TBCD: variants seen among roughly 807,000 people sequenced by gnomAD.
TBCD encodes the protein tubulin-specific chaperone D.
A neutral mutation model predicts 169.3 loss-of-function variants in TBCD; 105 were observed. The ratio of observed to expected loss-of-function variants is 0.62; its 90% CI spans 0.53 to 0.73. TBCD has a LOEUF of 0.73. Ranked by LOEUF, TBCD falls within the 30% of genes least tolerant of loss-of-function variation. The pLI, the probability that TBCD is intolerant of heterozygous loss-of-function variation, is 0.00. For missense variants in TBCD, 1,444 were observed against 1,600.1 expected (o/e 0.90, Z 1.66); for synonymous variants, 700 against 643.9 (o/e 1.09, Z -1.32).
In TBCD at chr17:82,845,144, G is replaced by A. The variant is rs533236689; in HGVS notation, c.1319-25080G>A. ...CTGTGTCAGGGCCTCTTTCCCTAGG[G>A]GCACACAGGCTGGAAGTGCAGTCCT... is the stretch of plus-strand genomic sequence containing the variant. On this transcript the variant is annotated intron_variant, in intron 13 of 38. Transcript: ENST00000355528. 5.9e-5 allele frequency among the ~76,000 whole-genome samples: 9 copies of A among 152,288 alleles called. No individual in the cohort carries two copies. In the South Asian group the frequency reaches 1.9e-3, roughly 32 times the overall value.
intron 33 of TBCD, among the ~76,000 whole-genome samples, chr17:82,931,263 C>G (rs1377841093): frequency 6.6e-6 from 1 of 152,244 alleles, no homozygotes; most frequent in Non-Finnish European, 1.5e-5. Context: ...CAAACAGGAA[C>G]TCGGCCCAGC....
At chr17:82,917,750 C>G (rs1551627) in intron 23 of TBCD, among the ~76,000 whole-genome samples, 50,445 of 152,110 alleles carry the variant, frequency 0.33, 9,169 homozygotes, top group African/African-American at 0.49. Context: ...GTGGTGAGGG[C>G]TCTACCGCTT....
chr17:82,761,966 A>T (rs1466085506), intron 2 of TBCD, among the ~76,000 whole-genome samples: 6 of 148,578 alleles, frequency 4.0e-5, no homozygotes, highest in Non-Finnish European at 7.5e-5. Context: ...TGACCTCGTG[A>T]TCCGCCCGCC....
intron 18 of TBCD, among the ~76,000 whole-genome samples, chr17:82,901,569 G>A (rs1406416709): frequency 6.7e-6 from 1 of 149,760 alleles, no homozygotes; most frequent in African/African-American, 2.5e-5. Flanking sequence ...GGAGCGGCCC[G>A]GCTACCTGCG....
intron 13 of TBCD, among the ~76,000 whole-genome samples, chr17:82,862,974 G>A (rs947826140): frequency 1.3e-5 from 2 of 152,202 alleles, no homozygotes; most frequent in East Asian, 1.9e-4. Flanking sequence ...TTGGTCTTGC[G>A]GTGTGGCTGG....
Position 82,889,818 on chromosome 17 carries a change from G to A in TBCD, c.1563+121G>A. On this transcript the variant is annotated intron_variant, in intron 16 of 38. Transcript: ENST00000355528. The surrounding 1 kb of genome is among the most constrained non-coding windows in gnomAD (Gnocchi z 5.3). ...TGAGATGTGGTGTGGCTACATCAAT[G>A]CCAGGGTCATGAGTTCACTATAGGA... 1 of 1,170,914 alleles carries A rather than the reference G, an allele frequency of 8.5e-7. No individual in the cohort carries two copies. The highest frequency in any genetic ancestry group is 1.2e-6 in the Non-Finnish European group (1 of 819,714). The allele number at this position is 1,170,914 out of a possible 1,614,324, so 72.5% of individuals were successfully genotyped here.
At chr17:82,939,523 C>A in intron 37 of TBCD, 47 bp downstream of exon 37, 1 of 1,452,216 alleles carries the variant, frequency 6.9e-7, no homozygotes. Flanking sequence ...TGGCACCGCC[C>A]CTCTTCCTGT....
intron 13 of TBCD, among the ~76,000 whole-genome samples, chr17:82,834,504 G>A (rs926322952): frequency 2.6e-5 from 4 of 152,086 alleles, no homozygotes; most frequent in African/African-American, 7.2e-5. Flanking sequence ...AAGAAAATGC[G>A]GCACATATAC....
rs1253351182 is a variant in TBCD, at chr17:82,939,424, G to T, written c.3427G>T (p.Val1143Leu). The T allele has an allele frequency of 1.9e-6, 3 of 1,613,640 alleles. No homozygotes were observed. Among genetic ancestry groups the T allele is most frequent in the Non-Finnish European group, 2.5e-6 (3 of 1,179,836 alleles). ...YETLLTYSDV[V>L]GADVLDEVVT... ...GACATTGCTCACCTACAGTGACGTCGTGGGCGCGGATGTGCTGGACGAGGT... is the reference window on the plus strand; with the variant it reads ...GACATTGCTCACCTACAGTGACGTCTTGGGCGCGGATGTGCTGGACGAGGT... The change falls in exon 37 of 39, where the codon GTG becomes TTG. Residue 1143 changes from valine (V) to leucine (L), a missense_variant. By Grantham distance (32) the Val-to-Leu change is conservative (BLOSUM62 1). Coordinates refer to ENST00000355528, the MANE Select transcript of TBCD (RefSeq NM_005993.5).
chr17:82,931,985 T>A (rs1485430926), intron 33 of TBCD: 1 of 153,214 alleles, frequency 6.5e-6, no homozygotes, highest in Admixed American at 6.5e-5. Flanking sequence ...TTTTCTGTTC[T>A]CCTTCCCTGA....
rs145090078 is a variant in TBCD, at chr17:82,897,815, G to T, written c.1650-2836G>T. ...GCCTGTGTTTCAGGGTTCCTCAGTG[G>T]TTCTCACTGTGTGGACGCCCCACAT... On this transcript the variant is annotated intron_variant, in intron 17 of 38. Transcript: ENST00000355528. Among the ~76,000 whole-genome samples the T allele has an allele frequency of 9.2e-5, 14 of 152,320 alleles. No individual in the cohort carries two copies. In the East Asian group the frequency reaches 2.3e-3, roughly 25 times the overall value.
At chr17:82,824,150 A>G (rs978880218) in intron 13 of TBCD, among the ~76,000 whole-genome samples, 6 of 151,978 alleles carry the variant, frequency 3.9e-5, no homozygotes, top group Non-Finnish European at 8.8e-5. Context: ...TTGTATGGAC[A>G]TACCATATAT....
In TBCD at chr17:82,789,549, T is replaced by C. The variant is rs2144470816; in HGVS notation, c.771+7828T>C. 6.6e-6 allele frequency among the ~76,000 whole-genome samples: 1 copy of C among 152,242 alleles called. No homozygotes were observed. Among genetic ancestry groups the C allele is most frequent in the South Asian group, 2.1e-4 (1 of 4,818 alleles). On this transcript the variant is annotated intron_variant, in intron 7 of 38. Coordinates refer to ENST00000355528, the MANE Select transcript of TBCD (RefSeq NM_005993.5). The surrounding 1 kb of genome is among the most constrained non-coding windows in gnomAD (Gnocchi z 4.8). Reference sequence around the variant, plus strand: ...TGGGTCTCAGTGGCCCCTGCCCCAGTCGTCCTGACCTGTGGCCCCTGTGCA... The same window carrying C: ...TGGGTCTCAGTGGCCCCTGCCCCAGCCGTCCTGACCTGTGGCCCCTGTGCA...
chr17:82,807,082 T>G (rs575166990), intron 10 of TBCD, among the ~76,000 whole-genome samples: 24 of 152,222 alleles, frequency 1.6e-4, no homozygotes, highest in Admixed American at 5.9e-4. Flanking sequence ...CCAGGGCTGC[T>G]TGGTGCCCAC....
At chr17:82,852,996 C>T (rs990216235) in intron 13 of TBCD, among the ~76,000 whole-genome samples, 25 of 152,278 alleles carry the variant, frequency 1.6e-4, no homozygotes, top group Admixed American at 1.1e-3. Flanking sequence ...GAGCGGCTCC[C>T]GAGGACGAGA....
chr17:82,865,328 G>A (rs116750673), intron 13 of TBCD, among the ~76,000 whole-genome samples: 3,369 of 152,332 alleles, frequency 0.022, 146 homozygotes, highest in African/African-American at 0.077. Flanking sequence ...CTCGGGAGCC[G>A]TTTCCTGCGC....
intron 2 of TBCD, among the ~76,000 whole-genome samples, chr17:82,758,216 C>T (rs984059968): frequency 1.3e-5 from 2 of 151,334 alleles, no homozygotes; most frequent in Non-Finnish European, 2.9e-5. Flanking sequence ...TAGTGAAACC[C>T]CGTATCTACT....
intron 13 of TBCD, among the ~76,000 whole-genome samples, chr17:82,869,596 A>T (rs182663332): frequency 5.3e-5 from 8 of 152,338 alleles, no homozygotes; most frequent in African/African-American, 1.9e-4. Context: ...ATGGAGCTGG[A>T]AGGATAATCC....
intron 38 of TBCD, 184 bp from the exon 39 acceptor site, chr17:82,942,265 C>A: frequency 1.4e-6 from 1 of 739,782 alleles, no homozygotes; most frequent in Non-Finnish European, 2.2e-6. Flanking sequence ...TCCGAGGACA[C>A]GTTAGTCATG....
Sources: allele counts gnomAD v4.1 joint callset (sites outside exome capture counted in the v4.1 genomes callset), GRCh38; gene constraint gnomAD v4.1.1; non-coding constraint Gnocchi (gnomAD v3.1); transcripts MANE v1.5; gene names NCBI Gene and HGNC (gene_info 2026-07-23, HGNC 2026-07-21).